Variants in NWD2 observed in about 807,000 individuals in gnomAD.
The protein encoded by NWD2 is NACHT and WD repeat domain containing 2.
In NWD2, 37 loss-of-function variants were observed where a neutral mutation model predicts 132.7. The ratio of observed to expected loss-of-function variants is 0.28; its 90% confidence interval spans 0.21 to 0.37. NWD2 has a LOEUF of 0.37. Among genes scored for constraint, NWD2 ranks in the 10% least tolerant of loss-of-function variants. NWD2 has a pLI of 1.00. For synonymous variants in NWD2, 705 were observed against 803.0 expected (o/e 0.88, Z 2.06); for missense variants, 1,592 against 2,122.4 (o/e 0.75, Z 4.91).
At chr4:37,254,102 T>C (rs1236261260) in intron 1 of NWD2, among the ~76,000 whole-genome samples, 1 of 152,178 alleles carries the variant, frequency 6.6e-6, no homozygotes, top group Non-Finnish European at 1.5e-5. Flanking sequence ...TAATGGGTAG[T>C]ATGCTTAATA....
At chr4:37,272,795 C>T (rs1387927618) in intron 1 of NWD2, among the ~76,000 whole-genome samples, 1 of 151,538 alleles carries the variant, frequency 6.6e-6, no homozygotes, top group East Asian at 1.9e-4. Flanking sequence ...TCTACTTGTG[C>T]TGGGTTTAAT....
At chr4:37,356,221 T>C in intron 2 of NWD2, 145 bp from the exon 3 acceptor site, 1 of 446,148 alleles carries the variant, frequency 2.2e-6, no homozygotes, top group Non-Finnish European at 4.0e-6. Context: ...ATGAAAAATC[T>C]CTCTAAATGG....
At chr4:37,405,420 GTAATA>G (rs1454424152) in intron 3 of NWD2, among the ~76,000 whole-genome samples, 171 of 138,846 alleles carry the variant, frequency 1.2e-3, no homozygotes, top group Non-Finnish European at 1.9e-3. Flanking sequence ...TTAGTTGAAT[GTAATA>G]GAATAGAATA....
chr4:37,371,235 G>A (rs933123276), intron 3 of NWD2, among the ~76,000 whole-genome samples: 2 of 151,590 alleles, frequency 1.3e-5, no homozygotes, highest in Non-Finnish European at 2.9e-5. Context: ...GCACCACCAC[G>A]CCCAGCTAAT....
intron 2 of NWD2, among the ~76,000 whole-genome samples, chr4:37,347,394 T>C (rs1314133197): frequency 6.6e-6 from 1 of 152,116 alleles, no homozygotes; most frequent in South Asian, 2.1e-4. Context: ...TTATTGAATG[T>C]AGGATATTTA....
At chr4:37,442,166 C>A (rs1712502944) in intron 6 of NWD2, among the ~76,000 whole-genome samples, 1 of 152,170 alleles carries the variant, frequency 6.6e-6, no homozygotes, top group Non-Finnish European at 1.5e-5. Context: ...ATGCCTTAAC[C>A]TGAACTATCT....
chr4:37,299,514 C>A (rs762982653), intron 1 of NWD2, among the ~76,000 whole-genome samples: 69 of 152,096 alleles, frequency 4.5e-4, no homozygotes, highest in Admixed American at 2.8e-3. Context: ...TGTACTCCAT[C>A]CTGTCTAATA....
chr4:37,443,293 C>T lies in NWD2; in HGVS notation c.1305C>T (p.Gly435=), dbSNP rs1712533580. ...LLAEVAKKAY[G]WLHEDTGPES... is the part of the protein sequence containing the mutation. ...CCACTTTTGTGTTTCAGGCTTATGG[C>T]TGGCTACATGAGGACACAGGACCAG... The change falls in exon 7 of 7, where the codon GGC becomes GGT. Residue 435 remains glycine (G), a synonymous_variant. Coordinates refer to ENST00000309447, the MANE Select transcript of NWD2 (RefSeq NM_001144990.2). This position sits in a 1 kb window ranked among gnomAD's most constrained non-coding sequence, Gnocchi z 4.1. The T allele has an allele frequency of 6.5e-7, 1 of 1,547,826 alleles. No homozygotes were observed. The highest frequency in any genetic ancestry group is 2.0e-5 in the Admixed American group (1 of 50,898).
intron 5 of NWD2, among the ~76,000 whole-genome samples, chr4:37,436,343 A>G (rs370450759): frequency 2.6e-5 from 4 of 152,196 alleles, no homozygotes; most frequent in African/African-American, 9.6e-5. Context: ...ATAAAATCAT[A>G]AGCATGCACT....
At chr4:37,408,412 G>T (rs909765668) in intron 3 of NWD2, among the ~76,000 whole-genome samples, 1 of 152,202 alleles carries the variant, frequency 6.6e-6, no homozygotes, top group South Asian at 2.1e-4. Flanking sequence ...AAACAAAGCC[G>T]CTGGAAAGTT....
intron 2 of NWD2, among the ~76,000 whole-genome samples, chr4:37,353,174 T>C (rs1403734849): frequency 6.6e-6 from 1 of 152,224 alleles, no homozygotes; most frequent in East Asian, 1.9e-4. Flanking sequence ...ATGTTGAATA[T>C]TGGCCGCCAC....
chr4:37,362,741 A>G (rs888743639), intron 3 of NWD2, among the ~76,000 whole-genome samples: 2 of 152,240 alleles, frequency 1.3e-5, no homozygotes, highest in Non-Finnish European at 2.9e-5. Context: ...TATTCTGGAC[A>G]TCGGCCTTGG....
intron 3 of NWD2, among the ~76,000 whole-genome samples, chr4:37,421,565 G>T (rs1577698140): frequency 6.6e-6 from 1 of 152,196 alleles, no homozygotes; most frequent in African/African-American, 2.4e-5. Context: ...ACAAATGTCA[G>T]TTTCAAGAAA....
intron 3 of NWD2, among the ~76,000 whole-genome samples, chr4:37,393,027 C>T (rs1205707360): frequency 1.3e-5 from 2 of 152,192 alleles, no homozygotes; most frequent in African/African-American, 2.4e-5. Context: ...AAGTGAACAG[C>T]GCCTGGGAGC....
rs56731511 is a variant in NWD2, at chr4:37,440,262, TC to T, written c.1296+874del. 7.1e-3 allele frequency among the ~76,000 whole-genome samples: 1,081 copies of T among 152,252 alleles called. 53 individuals are homozygous for T. In the East Asian group the frequency reaches 0.12, roughly 17 times the overall value. ...AGATCCTGTCTACATCCCAGCACAC[TC>T]CTTAGACAGGACCTGCGAAAAGCAA... On this transcript the variant is annotated intron_variant, in intron 6 of 6. Coordinates refer to ENST00000309447, the MANE Select transcript of NWD2 (RefSeq NM_001144990.2).
At position 37,445,516 on chromosome 4, in the gene NWD2, C is replaced by G. The variant is rs1188496751; in HGVS notation, c.3528C>G (p.Ser1176Arg). ...TTTGGAATACTGAGGACATTTCCAG[C>G]CCCCAGCTGACTGATGACTTTGATT... The part of the protein sequence containing the change: ...LSVWNTEDIS[S>R]PQLTDDFDCR... The change falls in exon 7 of 7, where the codon AGC becomes AGG. Residue 1176 changes from serine to arginine, a missense_variant. Ser to Arg is a moderately radical substitution (Grantham distance 110). Coordinates refer to ENST00000309447, the MANE Select transcript of NWD2 (RefSeq NM_001144990.2). The surrounding 1 kb of genome is among the most constrained non-coding windows in gnomAD (Gnocchi z 4.7). 4 of 1,551,694 alleles carry G rather than the reference C, an allele frequency of 2.6e-6. No homozygotes were observed. Among genetic ancestry groups the G allele is most frequent in the Non-Finnish European group, 3.5e-6 (4 of 1,147,056 alleles).
intron 3 of NWD2, among the ~76,000 whole-genome samples, chr4:37,410,732 C>G (rs187594486): frequency 2.0e-5 from 3 of 152,204 alleles, no homozygotes; most frequent in African/African-American, 4.8e-5. Context: ...TAAAACTGAC[C>G]AAATAATTGG....
intron 1 of NWD2, among the ~76,000 whole-genome samples, chr4:37,276,584 A>G (rs1402569681): frequency 6.6e-6 from 1 of 152,140 alleles, no homozygotes; most frequent in Non-Finnish European, 1.5e-5. Flanking sequence ...CAGCCATCCT[A>G]TTACTGGATT....
chr4:37,374,146 C>G (rs1411973288), intron 3 of NWD2, among the ~76,000 whole-genome samples: 1 of 152,092 alleles, frequency 6.6e-6, no homozygotes, highest in East Asian at 1.9e-4. Context: ...TGGGGCTTTC[C>G]CCATAGTAAT....
Sources: gnomAD v4.1 joint callset for allele counts (sites outside exome capture counted in the v4.1 genomes callset) on GRCh38, gnomAD v4.1.1 for gene constraint, Gnocchi (gnomAD v3.1) non-coding constraint, MANE v1.5 for transcripts, NCBI Gene and HGNC (gene_info 2026-07-23, HGNC 2026-07-21) for gene names.